Variants in MCOLN3 observed in about 807,000 individuals in gnomAD.
MCOLN3 encodes mucolipin-3.
MCOLN3 carries 62 observed loss-of-function variants against 69.4 expected under a neutral mutation model. That is an observed-to-expected ratio of 0.89 (90% CI 0.73 to 1.10). The LOEUF (loss-of-function observed/expected upper bound fraction) is 1.10. MCOLN3 is among the 50% of genes least tolerant of loss of function. The pLI is 0.00. For synonymous variants in MCOLN3, 183 were observed against 217.0 expected (o/e 0.84, Z 1.38); for missense variants, 564 against 656.4 (o/e 0.86, Z 1.54).
chr1:85,043,529 C>A (rs372354792), intron 2 of MCOLN3, among the ~76,000 whole-genome samples: 116 of 141,440 alleles, frequency 8.2e-4, no homozygotes, highest in South Asian at 1.1e-3. Context: ...GACTCCATCT[C>A]AAAAAAAAAA....
At chr1:85,047,880 G>A (rs1283763958) in intron 1 of MCOLN3, among the ~76,000 whole-genome samples, 1 of 152,224 alleles carries the variant, frequency 6.6e-6, no homozygotes, top group Non-Finnish European at 1.5e-5. Flanking sequence ...GAGCTCAGAC[G>A]GCCGCAGCCC....
intron 6 of MCOLN3, chr1:85,029,923 G>C (rs1039466360): frequency 1.1e-4 from 17 of 152,066 alleles, no homozygotes; most frequent in African/African-American, 3.4e-4. Context: ...CTCAAGTCCT[G>C]AAGAAAAAAA....
chr1:85,033,913 C>T (rs536813684), intron 4 of MCOLN3, among the ~76,000 whole-genome samples, 185 bp downstream of exon 4: 1 of 152,080 alleles, frequency 6.6e-6, no homozygotes, highest in Non-Finnish European at 1.5e-5. Flanking sequence ...TGCTGGGTTT[C>T]CTTGAGGATT....
At chr1:85,032,096 G>GAC (rs940137470) in intron 6 of MCOLN3, among the ~76,000 whole-genome samples, 10 of 151,730 alleles carry the variant, frequency 6.6e-5, no homozygotes, top group African/African-American at 1.9e-4. Context: ...GAGAGAGAGA[G>GAC]AGAGAGAGAT....
In MCOLN3 at chr1:85,032,682, T is replaced by C; in HGVS notation, c.732+14A>G. 1 of 1,591,654 alleles carries C rather than the reference T, an allele frequency of 6.3e-7. No individual in the cohort carries two copies. The highest frequency in any genetic ancestry group is 8.6e-7 in the Non-Finnish European group (1 of 1,160,354). On this transcript the variant is annotated intron_variant, in intron 6 of 12. Transcript: ENST00000370589. ...CTCCAGACTGGAACCAAATTCAGCC[T>C]GGCCCACACTTACAGTCAGAGTAAA...
chr1:85,032,785 T>C lies in MCOLN3; in HGVS notation c.643A>G (p.Thr215Ala). Residue 215 changes from threonine (T) to alanine (A), a missense_variant, in exon 6 of 13, where the codon ACA (threonine) becomes GCA (alanine). Physicochemically the swap from Thr to Ala is moderately conservative, Grantham distance 58. Coordinates refer to ENST00000370589, the MANE Select transcript of MCOLN3 (RefSeq NM_018298.11). ...TTCAGTTTAAACTGAAGCTCCACTG[T>C]TAGGAGTCTAGAAAACAGAGGTGAT... ...NLTLDFHRLL[T>A]VELQFKLKAI... 1 of 1,614,072 alleles carries C rather than the reference T, an allele frequency of 6.2e-7. No individual in the cohort carries two copies. Among genetic ancestry groups the C allele is most frequent in the Non-Finnish European group, 8.5e-7 (1 of 1,179,892 alleles).
At chr1:85,021,948 A>G in intron 11 of MCOLN3, 122 bp downstream of exon 11, 1 of 1,243,868 alleles carries the variant, frequency 8.0e-7, no homozygotes, top group Non-Finnish European at 1.1e-6. Flanking sequence ...CACTAGATAT[A>G]CTACCTTCAA....
intron 6 of MCOLN3, chr1:85,029,810 G>T (rs1361490732): frequency 6.6e-6 from 1 of 152,182 alleles, no homozygotes; most frequent in Non-Finnish European, 1.5e-5. Context: ...GACAAAGCTA[G>T]GCCAGAACAC....
In MCOLN3 at chr1:85,045,935, T is replaced by G. The variant is rs932577658; in HGVS notation, c.-2-573A>C. On this transcript the variant is annotated intron_variant, in intron 1 of 12. Coordinates refer to ENST00000370589, the MANE Select transcript of MCOLN3 (RefSeq NM_018298.11). Reference sequence around the variant, plus strand: ...TTTCTGCAATCTCAGGGAAATCACTTAGCCCTTCTGAGCCTCAGTTTCCTC... The same window carrying G: ...TTTCTGCAATCTCAGGGAAATCACTGAGCCCTTCTGAGCCTCAGTTTCCTC... 4.6e-5 allele frequency among the ~76,000 whole-genome samples: 7 copies of G among 152,334 alleles called. No individual in the cohort carries two copies. The South Asian group carries it at 1.5e-3, about 32-fold the overall frequency.
chr1:85,021,005 G>A lies in MCOLN3; in HGVS notation c.1527+65C>T, dbSNP rs569230872. ...AACTTTTCTTCTACCATTAGGTACT[G>A]AATTTTACTGCTACTCTACAAGTTA... On this transcript the variant is annotated intron_variant, in intron 12 of 12. Transcript: ENST00000370589. The A allele has an allele frequency of 3.0e-5, 38 of 1,257,690 alleles. No individual in the cohort carries two copies. In the African/African-American group the frequency reaches 5.3e-4, roughly 17 times the overall value. The allele number at this position is 1,257,690 out of a possible 1,614,324, so 77.9% of individuals were successfully genotyped here. A position where few individuals can be genotyped will look rare whatever the true frequency, so the allele number is the denominator to read the frequency against.
chr1:85,034,263 A>T lies in MCOLN3; in HGVS notation c.397-12T>A. On this transcript the variant is annotated splice_polypyrimidine_tract_variant and intron_variant, in intron 3 of 12. Coordinates refer to ENST00000370589, the MANE Select transcript of MCOLN3 (RefSeq NM_018298.11). The stretch of plus-strand genomic sequence containing the variant: ...TATAGCTGCAAGTACTTCAACCAAA[A>T]TGAGAAACAGAAAATGGGAATGCCA... 1 of 1,613,892 alleles carries T rather than the reference A, an allele frequency of 6.2e-7. No individual in the cohort carries two copies. The highest frequency in any genetic ancestry group is 8.5e-7 in the Non-Finnish European group (1 of 1,179,812).
At position 85,031,501 on chromosome 1, in the gene MCOLN3, C is replaced by T. The variant is rs77688768; in HGVS notation, c.732+1195G>A. Among the ~76,000 whole-genome samples, 201 of 152,164 alleles carry T rather than the reference C, an allele frequency of 1.3e-3. 4 individuals are homozygous for T. In the East Asian group the frequency reaches 0.036, roughly 27 times the overall value. On this transcript the variant is annotated intron_variant, in intron 6 of 12. Transcript: ENST00000370589. ...TGCTGGCATCAAAATATCACCTGTACCCCATAAATACGTATTCGTAAAATT... is the reference window on the plus strand; with the variant it reads ...TGCTGGCATCAAAATATCACCTGTATCCCATAAATACGTATTCGTAAAATT...
At chr1:85,021,616 T>C (rs983467337) in intron 11 of MCOLN3, among the ~76,000 whole-genome samples, 3 of 152,230 alleles carry the variant, frequency 2.0e-5, no homozygotes, top group Non-Finnish European at 2.9e-5. Context: ...GTCCCAACCA[T>C]GCATGCTCAT....
intron 1 of MCOLN3, among the ~76,000 whole-genome samples, chr1:85,048,143 C>A (rs2102950700): frequency 6.6e-6 from 1 of 152,294 alleles, no homozygotes; most frequent in Admixed American, 6.5e-5. Flanking sequence ...GCACCCCCAC[C>A]CGCCCAGCCC....
At chr1:85,043,741 C>G (rs1302094647) in intron 2 of MCOLN3, among the ~76,000 whole-genome samples, 1 of 151,900 alleles carries the variant, frequency 6.6e-6, no homozygotes, top group Non-Finnish European at 1.5e-5. Context: ...TTCAACTTGC[C>G]AAGTATTTGG....
intron 3 of MCOLN3, among the ~76,000 whole-genome samples, chr1:85,036,153 C>T (rs1357468049): frequency 6.6e-6 from 1 of 152,184 alleles, no homozygotes; most frequent in Admixed American, 6.5e-5. Flanking sequence ...AGTACCCTTG[C>T]ACACACAAAA....
At chr1:85,040,003 C>T (rs1425688830) in intron 3 of MCOLN3, among the ~76,000 whole-genome samples, 2 of 151,896 alleles carry the variant, frequency 1.3e-5, no homozygotes, top group African/African-American at 2.4e-5. Context: ...TCCCACTCCC[C>T]GCCACCCCTC....
intron 11 of MCOLN3, 49 bp from the exon 12 acceptor site, chr1:85,021,325 T>C (rs772943309): frequency 6.9e-6 from 10 of 1,457,658 alleles, no homozygotes; most frequent in East Asian, 2.3e-5. Context: ...TTCCTTCCCA[T>C]TGGAGACCTT....
At position 85,029,224 on chromosome 1, in the gene MCOLN3, A is replaced by G. The variant is rs763781070; in HGVS notation, c.733-19T>C. ...ATGTTATCTGTGAAGACAGGAAAAC[A>G]GTCAAAAACATACTTATAGTTTTGG... On this transcript the variant is annotated intron_variant, in intron 6 of 12. Coordinates refer to ENST00000370589, the MANE Select transcript of MCOLN3 (RefSeq NM_018298.11). 6.9e-7 allele frequency: 1 copy of G among 1,448,232 alleles called. No individual in the cohort carries two copies. Among genetic ancestry groups the G allele is most frequent in the Admixed American group, 1.7e-5 (1 of 59,310 alleles). The allele number at this position is 1,448,232 out of a possible 1,614,324, so 89.7% of individuals were successfully genotyped here.
Sources: gnomAD v4.1 joint callset for allele counts (sites outside exome capture counted in the v4.1 genomes callset) on GRCh38, gnomAD v4.1.1 for gene constraint, MANE v1.5 for transcripts, NCBI Gene and HGNC (gene_info 2026-07-23, HGNC 2026-07-21) for gene names.